Variants in DPP4 observed in about 807,000 individuals in gnomAD.
DPP4 encodes the protein ADCP-2.
DPP4 carries 93 observed loss-of-function variants against 122.4 expected under a neutral mutation model. That is an observed-to-expected ratio of 0.76 (90% confidence interval 0.64 to 0.90). DPP4 has a LOEUF of 0.90. DPP4 is among the 40% of genes least tolerant of loss of function. The probability of loss-of-function intolerance (pLI) is 0.00; values close to 1 mark genes in which losing one functional copy is unlikely to be tolerated. For synonymous variants in DPP4, 321 were observed against 302.9 expected, an observed-to-expected ratio of 1.06 and a Z score of -0.62; for missense variants, 914 against 907.3, an observed-to-expected ratio of 1.01 and a Z score of -0.09.
rs755235894 is a variant in DPP4 at position 162,017,175 on chromosome 2, A to G, written c.1421-20T>C. 6.2e-7 allele frequency: 1 copy of G among 1,608,434 alleles called. No individual in the cohort carries two copies. Among genetic ancestry groups the G allele is most frequent in the South Asian group, 1.1e-5 (1 of 90,144 alleles). On this transcript the variant is annotated intron_variant, in intron 16 of 25. Transcript: ENST00000360534. The stretch of plus-strand genomic sequence containing the variant: ...CAGGACCTGTTAACACAATGGGGGA[A>G]AAATGTTTTGGATGAATACTTTTTT...
chr2:162,051,655 A>G (rs1401306350), intron 2 of DPP4, among the ~76,000 whole-genome samples: 1 of 152,222 alleles, frequency 6.6e-6, no homozygotes, highest in Non-Finnish European at 1.5e-5. Flanking sequence ...GTTACTCCAA[A>G]ATTTGCTTTA....
chr2:162,025,227 A>G (rs1191404937), intron 10 of DPP4, among the ~76,000 whole-genome samples: 2 of 152,180 alleles, frequency 1.3e-5, no homozygotes, highest in Non-Finnish European at 2.9e-5. Context: ...GGATTTATCA[A>G]GTCTTCAGCT....
chr2:162,023,768 A>C (rs1482707201), intron 11 of DPP4, among the ~76,000 whole-genome samples: 1 of 152,186 alleles, frequency 6.6e-6, no homozygotes, highest in African/African-American at 2.4e-5. Context: ...TGGGTTTTGC[A>C]GTTTGAATTC....
At position 162,038,931 on chromosome 2, in the gene DPP4, C is replaced by T; in HGVS notation, c.492+18G>A. ...ATTTGAGCCTATATTTTTCTGACAACTGGAGAGACTCACTAACCAATTTAT... is the reference window on the plus strand; with the variant it reads ...ATTTGAGCCTATATTTTTCTGACAATTGGAGAGACTCACTAACCAATTTAT... On this transcript the variant is annotated intron_variant, in intron 7 of 25. Transcript: ENST00000360534. The T allele has an allele frequency of 6.2e-7, 1 of 1,612,020 alleles. No individual in the cohort carries two copies. The highest frequency in any genetic ancestry group is 1.1e-5 in the South Asian group (1 of 91,034).
chr2:162,071,883 T>G (rs1333833916), intron 2 of DPP4, among the ~76,000 whole-genome samples: 3 of 152,238 alleles, frequency 2.0e-5, no homozygotes, highest in African/African-American at 7.2e-5. Context: ...AAGTGGCTTA[T>G]CAAAGTACAG....
chr2:162,047,199 T>C (rs1684214569), intron 3 of DPP4, among the ~76,000 whole-genome samples, 193 bp from the exon 4 acceptor site: 2 of 152,198 alleles, frequency 1.3e-5, no homozygotes, highest in African/African-American at 2.4e-5. Flanking sequence ...TCACATTTAA[T>C]TTTTTATTAT....
At chr2:162,055,897 C>T (rs1684557037) in intron 2 of DPP4, among the ~76,000 whole-genome samples, 1 of 152,218 alleles carries the variant, frequency 6.6e-6, no homozygotes, top group Non-Finnish European at 1.5e-5. Context: ...TCCCCCTCCT[C>T]CTATGCCTCC....
intron 11 of DPP4, 101 bp from the exon 12 acceptor site, chr2:162,022,900 C>T: frequency 8.8e-7 from 1 of 1,142,328 alleles, no homozygotes. Flanking sequence ...CTTATAATAA[C>T]TGAGAGCTAT....
intron 9 of DPP4, 100 bp downstream of exon 9, chr2:162,035,064 G>A: frequency 8.0e-7 from 1 of 1,243,162 alleles, no homozygotes; most frequent in East Asian, 2.4e-5. Flanking sequence ...GCAAGCTGTT[G>A]AAGAGAGACT....
chr2:162,059,903 G>T (rs10490422), intron 2 of DPP4, among the ~76,000 whole-genome samples: 6,319 of 152,248 alleles, frequency 0.042, 427 homozygotes, highest in East Asian at 0.26. Flanking sequence ...CATTCTTATG[G>T]TGTTCTTCTA....
At chr2:162,019,309 T>A in intron 14 of DPP4, 33 bp from the exon 15 acceptor site, 1 of 1,395,912 alleles carries the variant, frequency 7.2e-7, no homozygotes, top group South Asian at 1.3e-5. Context: ...TATATATTAA[T>A]TATGTTTTTT....
At chr2:162,010,979 A>G (rs189334758) in intron 20 of DPP4, among the ~76,000 whole-genome samples, 18 of 152,276 alleles carry the variant, frequency 1.2e-4, no homozygotes, top group Admixed American at 1.1e-3. Flanking sequence ...TACCAGTTGA[A>G]TGTAATTAAA....
intron 18 of DPP4, among the ~76,000 whole-genome samples, chr2:162,015,374 G>A (rs760080852): frequency 3.4e-4 from 51 of 152,196 alleles, no homozygotes; most frequent in Non-Finnish European, 5.7e-4. Flanking sequence ...GCTGACTATT[G>A]TTATGCCTTC....
chr2:161,993,435 A>AT (rs57794116), intron 25 of DPP4, 51 bp from the exon 26 acceptor site: 2 of 563,912 alleles, frequency 3.5e-6, no homozygotes, highest in Admixed American at 7.5e-5. Context: ...TACTCTTCTT[A>AT]AAAAAAAAAA....
chr2:162,039,059 T>C lies in DPP4; in HGVS notation c.420-38A>G, dbSNP rs200766059. 1.2e-5 allele frequency: 20 copies of C among 1,612,424 alleles called. No homozygotes were observed. The South Asian group carries it at 2.0e-4, about 16-fold the overall frequency. On this transcript the variant is annotated intron_variant, in intron 6 of 25. Coordinates refer to ENST00000360534, the MANE Select transcript of DPP4 (RefSeq NM_001935.4). ...TGAAAGGAAATATTATCAAAAAGAA[T>C]AACTCACATTGGGGTTTCCTTAAAA...
At chr2:162,013,129 T>C (rs933964713) in intron 19 of DPP4, among the ~76,000 whole-genome samples, 1 of 116,242 alleles carries the variant, frequency 8.6e-6, no homozygotes, top group Admixed American at 8.3e-5. Context: ...TAAACAAGAT[T>C]ATTTTTTAAA....
intron 2 of DPP4, among the ~76,000 whole-genome samples, chr2:162,059,715 G>A (rs993156519): frequency 9.2e-5 from 14 of 152,070 alleles, no homozygotes; most frequent in African/African-American, 2.9e-4. Flanking sequence ...TGTCATCCCC[G>A]ATATAAGAAA....
At chr2:162,064,263 A>C (rs543274919) in intron 2 of DPP4, among the ~76,000 whole-genome samples, 2 of 152,318 alleles carry the variant, frequency 1.3e-5, no homozygotes, top group African/African-American at 4.8e-5. Flanking sequence ...GGAAGGAATA[A>C]GGGTCCACTG....
intron 23 of DPP4, among the ~76,000 whole-genome samples, chr2:162,003,694 C>T (rs781016536): frequency 6.6e-6 from 1 of 151,992 alleles, no homozygotes; most frequent in Non-Finnish European, 1.5e-5. Flanking sequence ...CTGGTTGGGT[C>T]GTTAACAAGA....
Sources: gnomAD v4.1 joint callset for allele counts (sites outside exome capture counted in the v4.1 genomes callset) on GRCh38, gnomAD v4.1.1 for gene constraint, MANE v1.5 for transcripts, NCBI Gene and HGNC (gene_info 2026-07-23, HGNC 2026-07-21) for gene names.